EYS: variants seen among roughly 807,000 people sequenced by gnomAD.
EYS encodes protein eyes shut homolog.
In EYS, 250 loss-of-function variants were observed where a neutral mutation model predicts 282.1. The ratio of observed to expected loss-of-function variants is 0.89; its 90% CI spans 0.80 to 0.98. EYS has a LOEUF of 0.98. Ranked by LOEUF, EYS falls within the 50% of genes least tolerant of loss-of-function variation. The pLI is 0.00. For synonymous variants in EYS, 1,355 were observed against 1,282.9 expected (o/e 1.06, Z -1.20); for missense variants, 4,016 against 3,709.0 (o/e 1.08, Z -2.15).
chr6:65,442,944 A>ATACATGCACATACATATG lies in EYS; in HGVS notation c.863-37595_863-37578dup, dbSNP rs1342534364. 5.3e-5 allele frequency among the ~76,000 whole-genome samples: 8 copies of ATACATGCACATACATATG among 151,622 alleles called. 1 individual carries two copies. Among genetic ancestry groups the ATACATGCACATACATATG allele is most frequent in the African/African-American group, 1.5e-4 (6 of 41,328 alleles). ...TATGTACATATATGTATATACGTATATACATGCACATACATATGTACATAT... is the reference window on the plus strand; with the variant it reads ...TATGTACATATATGTATATACGTATATACATGCACATACATATGTACATGCACATACATATGTACATAT... On this transcript the variant is annotated intron_variant, in intron 5 of 42. Transcript: ENST00000503581.
intron 13 of EYS, among the ~76,000 whole-genome samples, chr6:65,007,028 A>C (rs1237842843): frequency 1.3e-5 from 2 of 152,182 alleles, no homozygotes; most frequent in Non-Finnish European, 2.9e-5. Context: ...ACTCACCCTG[A>C]GTGCAAAGGC....
intron 22 of EYS, among the ~76,000 whole-genome samples, chr6:64,759,630 T>C (rs1478728185): frequency 6.6e-6 from 1 of 152,090 alleles, no homozygotes; most frequent in Non-Finnish European, 1.5e-5. Context: ...TCTACATATA[T>C]TTCATAGATA....
intron 2 of EYS, among the ~76,000 whole-genome samples, chr6:65,526,023 G>A (rs1207884084): frequency 1.3e-5 from 2 of 152,144 alleles, no homozygotes; most frequent in African/African-American, 4.8e-5. Context: ...TTTTGGTCTG[G>A]TTCCTAGAGA....
intron 12 of EYS, among the ~76,000 whole-genome samples, chr6:65,198,936 G>A (rs1283992212): frequency 1.3e-5 from 2 of 152,070 alleles, no homozygotes; most frequent in Non-Finnish European, 2.9e-5. Context: ...TATTTGGCTT[G>A]AGAGAATGTG....
chr6:64,362,766 G>A (rs553140067), intron 29 of EYS, among the ~76,000 whole-genome samples: 1 of 151,738 alleles, frequency 6.6e-6, no homozygotes, highest in South Asian at 2.1e-4. Context: ...ATGAAGTAAT[G>A]TATTTACTTT....
intron 31 of EYS, among the ~76,000 whole-genome samples, chr6:64,161,858 A>G (rs959370573): frequency 6.6e-6 from 1 of 152,064 alleles, no homozygotes; most frequent in Non-Finnish European, 1.5e-5. Context: ...CATTTACTGT[A>G]ATTTCTAGAT....
chr6:64,441,525 T>C (rs1226020650), intron 26 of EYS, among the ~76,000 whole-genome samples: 1 of 151,880 alleles, frequency 6.6e-6, no homozygotes, highest in Non-Finnish European at 1.5e-5. Flanking sequence ...TATCAAGAGG[T>C]GGAAGTGGTC....
At chr6:63,894,840 G>A (rs747294713) in intron 35 of EYS, among the ~76,000 whole-genome samples, 10 of 151,952 alleles carry the variant, frequency 6.6e-5, no homozygotes, top group African/African-American at 2.4e-4. Flanking sequence ...GGCTGCCTCG[G>A]CCTCCCAAAG....
chr6:64,536,570 A>C (rs1229724232), intron 26 of EYS, among the ~76,000 whole-genome samples: 1 of 152,158 alleles, frequency 6.6e-6, no homozygotes, highest in Non-Finnish European at 1.5e-5. Context: ...TCATTTTAAA[A>C]GTCTACCCTT....
intron 14 of EYS, among the ~76,000 whole-genome samples, chr6:64,989,052 T>C (rs1216532228): frequency 6.6e-6 from 1 of 151,426 alleles, no homozygotes; most frequent in Non-Finnish European, 1.5e-5. Flanking sequence ...GGGACAGGCA[T>C]TATGTTATAG....
At chr6:64,448,636 C>T (rs1305927542) in intron 26 of EYS, among the ~76,000 whole-genome samples, 4 of 152,128 alleles carry the variant, frequency 2.6e-5, no homozygotes, top group Non-Finnish European at 5.9e-5. Flanking sequence ...CTCACACAGC[C>T]GGGTACTCCT....
intron 12 of EYS, among the ~76,000 whole-genome samples, chr6:65,234,413 C>T (rs556885): frequency 0.022 from 3,279 of 152,280 alleles, 108 homozygotes; most frequent in African/African-American, 0.075. Flanking sequence ...TCTTTGCTTG[C>T]TATCCCTGAG....
chr6:65,125,959 G>T (rs1775707185), intron 12 of EYS, among the ~76,000 whole-genome samples: 1 of 152,050 alleles, frequency 6.6e-6, no homozygotes, highest in South Asian at 2.1e-4. Flanking sequence ...AATCTAGCCT[G>T]CATCTTCTGG....
At chr6:63,908,010 A>C (rs201114012) in intron 35 of EYS, among the ~76,000 whole-genome samples, 1 of 12,614 alleles carries the variant, frequency 7.9e-5, no homozygotes, top group African/African-American at 3.6e-4. Context: ...ACACACACAA[A>C]CGTATATATA....
At chr6:64,863,948 T>A (rs1278739082) in intron 19 of EYS, among the ~76,000 whole-genome samples, 4 of 152,178 alleles carry the variant, frequency 2.6e-5, no homozygotes, top group Non-Finnish European at 4.4e-5. Flanking sequence ...ATCTCTATTA[T>A]CTGTATGGAT....
At chr6:64,705,272 C>T (rs532680369) in intron 22 of EYS, among the ~76,000 whole-genome samples, 2 of 152,142 alleles carry the variant, frequency 1.3e-5, no homozygotes, top group Admixed American at 6.5e-5. Context: ...ATTTACCTAA[C>T]CAATGAAGTG....
intron 12 of EYS, among the ~76,000 whole-genome samples, chr6:65,104,427 C>G (rs1045686116): frequency 2.6e-5 from 4 of 151,446 alleles, no homozygotes; most frequent in African/African-American, 9.7e-5. Flanking sequence ...GTATCAAGCC[C>G]ACAATTTGAG....
intron 35 of EYS, among the ~76,000 whole-genome samples, chr6:63,956,448 C>T (rs951976329): frequency 6.6e-6 from 1 of 152,174 alleles, no homozygotes; most frequent in African/African-American, 2.4e-5. Flanking sequence ...AGCCCACCTG[C>T]ACCCAGGTGA....
At chr6:64,032,677 AC>A (rs1195025044) in intron 33 of EYS, among the ~76,000 whole-genome samples, 1 of 152,124 alleles carries the variant, frequency 6.6e-6, no homozygotes, top group Admixed American at 6.5e-5. Flanking sequence ...CACACAGCCC[AC>A]CCTTGATTTT....
Sources: gnomAD v4.1 joint callset for allele counts (sites outside exome capture counted in the v4.1 genomes callset) on GRCh38, gnomAD v4.1.1 for gene constraint, MANE v1.5 for transcripts, NCBI Gene and HGNC (gene_info 2026-07-23, HGNC 2026-07-21) for gene names.